Variants in PTP4A3 observed in about 807,000 individuals in gnomAD.
PTP4A3 encodes the protein protein tyrosine phosphatase 4A3.
Under a neutral mutation model 15.2 loss-of-function variants are expected in PTP4A3, and 9 were observed. The observed-to-expected ratio is 0.59, with a 90% CI of 0.36 to 1.03. The LOEUF is 1.03. Ranked by LOEUF, PTP4A3 falls within the 50% of genes least tolerant of loss-of-function variation. PTP4A3 has a pLI of 0.02. For synonymous variants in PTP4A3, 95 were observed against 102.0 expected (o/e 0.93, Z 0.41); for missense variants, 234 against 252.1 (o/e 0.93, Z 0.49).
intron 1 of PTP4A3, 120 bp downstream of exon 1, chr8:141,392,204 C>T (rs1832299989): frequency 6.7e-6 from 1 of 150,286 alleles, no homozygotes; most frequent in Non-Finnish European, 1.5e-5. Flanking sequence ...GCCGCGCAGC[C>T]GGGAGGGCCG....
chr8:141,402,492 G>GCAA, intron 1 of PTP4A3, among the ~76,000 whole-genome samples: 2 of 152,188 alleles, frequency 1.3e-5, no homozygotes, highest in African/African-American at 2.4e-5. Flanking sequence ...CACAGACACT[G>GCAA]CCAGCAGGGA....
intron 1 of PTP4A3, among the ~76,000 whole-genome samples, chr8:141,413,271 T>A (rs568000838): frequency 2.0e-5 from 3 of 152,156 alleles, no homozygotes; most frequent in Admixed American, 6.5e-5. Context: ...AGAGGCTCCT[T>A]CTCAGAGGCT....
In PTP4A3 at chr8:141,425,124, A is replaced by T. The variant is rs756062659; in HGVS notation, c.182A>T (p.Asp61Val). The change falls in exon 3 of 6, where the codon GAT becomes GTT. Residue 61 changes from aspartate (D) to valine (V), a missense_variant. Transcript: ENST00000521578. The surrounding 1 kb of genome is among the most constrained non-coding windows in gnomAD (Gnocchi z 4.2). ...VTYDKTPLEK[D>V]GITVVDWPFD... ...TATGACAAAACGCCGCTGGAGAAGG[A>T]TGGCATCACCGTTGTGGTGAGGCGC... The T allele has an allele frequency of 4.1e-6, 6 of 1,456,574 alleles. No homozygotes were observed. Among genetic ancestry groups the T allele is most frequent in the Non-Finnish European group, 5.6e-6 (6 of 1,080,872 alleles). 90.2% of individuals were successfully genotyped at this position (1,456,574 alleles called of 1,614,324 possible). A position where few individuals can be genotyped will look rare whatever the true frequency, so the allele number is the denominator to read the frequency against.
chr8:141,420,977 G>A (rs1008015012), intron 1 of PTP4A3, among the ~76,000 whole-genome samples: 10 of 152,334 alleles, frequency 6.6e-5, no homozygotes, highest in African/African-American at 2.2e-4. Flanking sequence ...CTGGGGTGGA[G>A]TTTCCGCAGA....
rs182539685 is a variant in PTP4A3 at position 141,412,247 on chromosome 8, G to T, written c.-853-9141G>T. Among the ~76,000 whole-genome samples the T allele has an allele frequency of 2.2e-3, 334 of 152,326 alleles. 1 individual carries two copies. The highest frequency in any genetic ancestry group is 7.5e-3 in the African/African-American group (313 of 41,572). ...TGGGTATGGTGGAAGTGGCCCCAAG[G>T]TCCAGCCACCCTCAGGGACCACAAG... On this transcript the variant is annotated intron_variant, in intron 1 of 5. Transcript: ENST00000521578.
chr8:141,426,262 C>T (rs1833572447), intron 3 of PTP4A3, among the ~76,000 whole-genome samples: 2 of 152,200 alleles, frequency 1.3e-5, no homozygotes, highest in South Asian at 2.1e-4. Context: ...CCTACTGCAG[C>T]GCCCTGGCCC....
intron 1 of PTP4A3, among the ~76,000 whole-genome samples, chr8:141,410,907 T>TGAGCTTTGAGCC (rs1264444112): frequency 1.3e-5 from 2 of 152,146 alleles, no homozygotes; most frequent in Non-Finnish European, 2.9e-5. Context: ...GGCTTTGAGC[T>TGAGCTTTGAGCC]GAGCTTTGAG....
intron 2 of PTP4A3, 119 bp downstream of exon 2, chr8:141,422,464 G>A: frequency 9.3e-7 from 1 of 1,074,546 alleles, no homozygotes; most frequent in Non-Finnish European, 1.4e-6. Flanking sequence ...AGGGCTCACA[G>A]CCTTGGAACA....
At chr8:141,418,618 G>C (rs1032709721) in intron 1 of PTP4A3, among the ~76,000 whole-genome samples, 1 of 152,252 alleles carries the variant, frequency 6.6e-6, no homozygotes, top group African/African-American at 2.4e-5. Flanking sequence ...GGGTTCTGCA[G>C]GGCTTGGTAG....
intron 5 of PTP4A3, among the ~76,000 whole-genome samples, chr8:141,429,270 C>T (rs925087059): frequency 6.6e-6 from 1 of 152,250 alleles, no homozygotes; most frequent in Non-Finnish European, 1.5e-5. Context: ...AGAGACTCCT[C>T]GCGCTACTGC....
chr8:141,395,719 C>CAGT (rs1832432875), intron 1 of PTP4A3, among the ~76,000 whole-genome samples: 1 of 124,536 alleles, frequency 8.0e-6, no homozygotes, highest in African/African-American at 5.6e-5. Flanking sequence ...TTCATCTACC[C>CAGT]GGGGTAGGTG....
intron 1 of PTP4A3, among the ~76,000 whole-genome samples, chr8:141,419,975 G>A (rs1381574284): frequency 6.6e-6 from 1 of 152,218 alleles, no homozygotes; most frequent in Non-Finnish European, 1.5e-5. Context: ...GCCACCCAGG[G>A]TGTGGAGGGC....
At chr8:141,397,872 A>G (rs1241299181) in intron 1 of PTP4A3, among the ~76,000 whole-genome samples, 1 of 152,214 alleles carries the variant, frequency 6.6e-6, no homozygotes, top group Non-Finnish European at 1.5e-5. Context: ...TGGCACCACT[A>G]GCCCGCTCTC....
intron 1 of PTP4A3, among the ~76,000 whole-genome samples, chr8:141,412,491 C>T (rs1439045079): frequency 6.6e-6 from 1 of 152,206 alleles, no homozygotes; most frequent in Non-Finnish European, 1.5e-5. Context: ...GGCTGCCTGC[C>T]TGCCTAGTGC....
At chr8:141,423,175 G>A (rs1054055736) in intron 2 of PTP4A3, among the ~76,000 whole-genome samples, 1 of 152,196 alleles carries the variant, frequency 6.6e-6, no homozygotes, top group East Asian at 1.9e-4. Flanking sequence ...AGATTTGGGC[G>A]TGAGAGGGCA....
At chr8:141,397,850 G>T (rs374224879) in intron 1 of PTP4A3, among the ~76,000 whole-genome samples, 1 of 152,228 alleles carries the variant, frequency 6.6e-6, no homozygotes, top group East Asian at 1.9e-4. Context: ...GCTGCCCCTG[G>T]TTCTGAGGGC....
At position 141,411,881 on chromosome 8, in the gene PTP4A3, C is replaced by A. The variant is rs1189407484; in HGVS notation, c.-853-9507C>A. Reference sequence around the variant, plus strand: ...TAAGAAGAAAATGCAGAGAAAGTGCCCACCCTGGGTAGGCCCTGAATCCTG... The same window carrying A: ...TAAGAAGAAAATGCAGAGAAAGTGCACACCCTGGGTAGGCCCTGAATCCTG... On this transcript the variant is annotated intron_variant, in intron 1 of 5. Coordinates refer to ENST00000521578, the MANE Select transcript of PTP4A3 (RefSeq NM_032611.3). 2.6e-5 allele frequency among the ~76,000 whole-genome samples: 4 copies of A among 152,148 alleles called. No homozygotes were observed. The East Asian group carries it at 7.7e-4, about 29-fold the overall frequency.
intron 3 of PTP4A3, among the ~76,000 whole-genome samples, chr8:141,426,272 C>T (rs1225409811): frequency 2.0e-5 from 3 of 152,218 alleles, no homozygotes; most frequent in African/African-American, 7.2e-5. Context: ...CGCCCTGGCC[C>T]GGGCCCTCCC....
At chr8:141,410,564 G>T (rs1336219833) in intron 1 of PTP4A3, among the ~76,000 whole-genome samples, 2 of 152,254 alleles carry the variant, frequency 1.3e-5, no homozygotes, top group Admixed American at 1.3e-4. Context: ...CTCAAGCGAG[G>T]CCTCTTGGAA....
Sources: gnomAD v4.1 joint callset for allele counts (sites outside exome capture counted in the v4.1 genomes callset) on GRCh38, gnomAD v4.1.1 for gene constraint, Gnocchi (gnomAD v3.1) non-coding constraint, MANE v1.5 for transcripts, NCBI Gene and HGNC (gene_info 2026-07-23, HGNC 2026-07-21) for gene names.